Variants in L1CAM observed in about 807,000 individuals in gnomAD.
L1CAM encodes the protein L1 cell adhesion molecule.
In L1CAM, 8 loss-of-function variants were observed where a neutral mutation model predicts 93.0. That is an observed-to-expected ratio of 0.09 (90% CI 0.05 to 0.16). The LOEUF (loss-of-function observed/expected upper bound fraction) is 0.16. Among genes scored for constraint, L1CAM ranks in the 10% least tolerant of loss-of-function variants. The probability of loss-of-function intolerance (pLI) is 1.00; values close to 1 mark genes in which losing one functional copy is unlikely to be tolerated. For synonymous variants in L1CAM, 453 were observed against 453.0 expected (o/e 1.00, Z 0.00); for missense variants, 777 against 1,073.4 (o/e 0.72, Z 3.86).
chrX:153,864,039 C>A, intron 25 of L1CAM, 22 bp from the exon 26 acceptor site: 1 of 1,210,920 alleles, frequency 8.3e-7, no homozygotes, highest in Non-Finnish European at 1.1e-6. Flanking sequence ...ACACCAGCCC[C>A]CCGTGCTGCC....
Position 153,867,679 on chromosome X carries a change from G to A in L1CAM, c.1939+121C>T. On this transcript the variant is annotated intron_variant, in intron 16 of 28. Transcript: ENST00000370060. ...AACTGGCATCTCCAGATTCCCATGA[G>A]GAACCGTGAGTCCCCCCAAACCGTG... 4 of 948,854 alleles carry A rather than the reference G, an allele frequency of 4.2e-6. No individual in the cohort carries two copies. The Admixed American group carries it at 8.9e-5, about 21-fold the overall frequency. The allele number at this position is 948,854 out of a possible 1,213,427, so 78.2% of individuals were successfully genotyped here. A position where few individuals can be genotyped will look rare whatever the true frequency, so the allele number is the denominator to read the frequency against.
chrX:153,883,268 G>A (rs190065236), intron 1 of L1CAM, among the ~76,000 whole-genome samples: 1 of 110,962 alleles, frequency 9.0e-6, no homozygotes, highest in African/African-American at 3.3e-5. Flanking sequence ...GAGCCCTGAC[G>A]GGAAGGGGGA....
chrX:153,863,935 G>A lies in L1CAM; in HGVS notation c.3405C>T (p.Leu1135=), dbSNP rs782139742. The A allele has an allele frequency of 5.8e-6, 7 of 1,212,032 alleles. No individual in the cohort carries two copies. The highest frequency in any genetic ancestry group is 3.0e-5 in the East Asian group (1 of 33,868). ...TGATGAAGCAGAGGATGAGCAGGAC[G>A]AGGAGCAGGAGGATGATGGCACTCA... ...GFVSAIILLL[L]VLLILCFIKR... is the part of the protein sequence containing the mutation. The change falls in exon 26 of 29, where the codon CTC becomes CTT. Residue 1135 remains leucine (L), a synonymous_variant. Transcript: ENST00000370060.
Position 153,867,373 on chromosome X carries a change from A to G in L1CAM, c.2120T>C (p.Val707Ala). The change falls in exon 17 of 29, where the codon GTG becomes GCG. Residue 707 changes from valine (V) to alanine (A), a missense_variant. Physicochemically the swap from Val to Ala is moderately conservative, Grantham distance 64. This residue lies in a region of L1CAM where 574 missense variants were observed against 781.0 expected (regional missense o/e 0.73). Coordinates refer to ENST00000370060, the MANE Select transcript of L1CAM (RefSeq NM_001278116.2). ...TGACTCACCTGCCTCAGGTGTGACC[A>G]CAGTCTCAGAGACCGGGCTGGGCTC... Reference protein sequence around the residue: ...PGEPSPVSETVVTPEAAPEKN... With the variant: ...PGEPSPVSETAVTPEAAPEKN... 8.3e-7 allele frequency: 1 copy of G among 1,209,797 alleles called. No homozygotes were observed.
chrX:153,883,702 G>A (rs782756297), intron 1 of L1CAM: 1 of 331,774 alleles, frequency 3.0e-6, no homozygotes, highest in Non-Finnish European at 6.1e-6. Context: ...CCCCACTCAT[G>A]CCTGGCAGAC....
chrX:153,862,397 A>C lies in L1CAM; in HGVS notation c.*266T>G, dbSNP rs1245611980. On this transcript the variant is annotated 3_prime_UTR_variant, in exon 29 of 29. Coordinates refer to ENST00000370060, the MANE Select transcript of L1CAM (RefSeq NM_001278116.2). ...ACCCCTACTTCTTCTCCCCCAAACC[A>C]CAGCCTCTCTGCCCAAATGGGCTGG... 3.7e-5 allele frequency: 13 copies of C among 348,995 alleles called. No homozygotes were observed. Among genetic ancestry groups the C allele is most frequent in the South Asian group, 9.2e-5 (1 of 10,920 alleles). The allele number at this position is 348,995 out of a possible 1,213,427, so 28.8% of individuals were successfully genotyped here. A position where few individuals can be genotyped will look rare whatever the true frequency, so the allele number is the denominator to read the frequency against.
In L1CAM at chrX:153,861,572, T is replaced by C. The variant is rs1187713448; in HGVS notation, c.*1091A>G. On this transcript the variant is annotated 3_prime_UTR_variant, in exon 29 of 29. Transcript: ENST00000370060. ...TTCTGATATTATGTACATATATATA[T>C]ATACTTTTGTTTTTTTGTAGAGGGC... is the stretch of plus-strand genomic sequence containing the variant. 1 of 112,226 alleles carries C rather than the reference T, an allele frequency of 8.9e-6. No homozygotes were observed. Among genetic ancestry groups the C allele is most frequent in the Non-Finnish European group, 1.9e-5 (1 of 53,244 alleles). 9.2% of individuals were successfully genotyped at this position (112,226 alleles called of 1,213,427 possible). A position where few individuals can be genotyped will look rare whatever the true frequency, so the allele number is the denominator to read the frequency against.
At chrX:153,869,741 C>T (rs2064750027) in intron 10 of L1CAM, 62 bp downstream of exon 10, 1 of 1,203,570 alleles carries the variant, frequency 8.3e-7, no homozygotes, top group South Asian at 1.8e-5. Flanking sequence ...CCCTCCTCTT[C>T]CTCTCCCCCA....
Position 153,870,437 on chromosome X carries a change from C to A in L1CAM, c.757G>T (p.Val253Leu), listed in dbSNP as rs1214679081. 1 of 1,211,939 alleles carries A rather than the reference C, an allele frequency of 8.3e-7. No individual in the cohort carries two copies. The highest frequency in any genetic ancestry group is 1.1e-6 in the Non-Finnish European group (1 of 895,227). ...ACCAATGGCTGCCCCTGCAAGGCCA[C>A]CAGGTGGCTGCTGGAGTTGGTGGGG... Reference protein sequence around the residue: ...LFPTNSSSHLVALQGQPLVLE... With the variant: ...LFPTNSSSHLLALQGQPLVLE... The change falls in exon 8 of 29, where the codon GTG becomes TTG. Residue 253 changes from valine (V) to leucine (L), a missense_variant. Val to Leu is a conservative substitution (Grantham distance 32). Coordinates refer to ENST00000370060, the MANE Select transcript of L1CAM (RefSeq NM_001278116.2).
chrX:153,880,817 G>T (rs192057318), intron 1 of L1CAM: 20 of 271,416 alleles, frequency 7.4e-5, no homozygotes, highest in African/African-American at 5.5e-4. Flanking sequence ...GGGCCCAGAA[G>T]TCCTTTATGA....
At position 153,865,179 on chromosome X, in the gene L1CAM, C is replaced by T. The variant is rs1557090447; in HGVS notation, c.2781G>A (p.Glu927=). 7.4e-6 allele frequency: 9 copies of T among 1,209,189 alleles called. No individual in the cohort carries two copies. In the South Asian group the frequency reaches 1.4e-4, roughly 19 times the overall value. ...GCAGCAGGCTGGTGTTCGACTGGCACTCCAGGTGCAACGCCTCGGGGTGGC... is the reference window on the plus strand; with the variant it reads ...GCAGCAGGCTGGTGTTCGACTGGCATTCCAGGTGCAACGCCTCGGGGTGGC... ...VPGHPEALHL[E]CQSNTSLLLR... is the part of the protein sequence containing the mutation. The change falls in exon 22 of 29, where the codon GAG becomes GAA. Residue 927 remains glutamate, a synonymous_variant. Coordinates refer to ENST00000370060, the MANE Select transcript of L1CAM (RefSeq NM_001278116.2).
rs1557089779 is a variant in L1CAM, at chrX:153,863,874, A to G, written c.3457+9T>C. ...GCTCCACCCCCGTCACGTGGGGCTC[A>G]GAGGCTACCTGAGTATTTGCCGCCC... is the stretch of plus-strand genomic sequence containing the variant. On this transcript the variant is annotated intron_variant, in intron 26 of 28. Coordinates refer to ENST00000370060, the MANE Select transcript of L1CAM (RefSeq NM_001278116.2). The G allele has an allele frequency of 1.6e-6, 2 of 1,212,269 alleles. No individual in the cohort carries two copies. The highest frequency in any genetic ancestry group is 1.7e-5 in the African/African-American group (1 of 58,015).
chrX:153,875,979 G>C (rs1204259116), intron 1 of L1CAM, 35 bp from the exon 2 acceptor site: 3 of 517,002 alleles, frequency 5.8e-6, no homozygotes, highest in Non-Finnish European at 1.0e-5. Context: ...AAGGGTGGGG[G>C]AAGAGAGACG....
At chrX:153,877,204 G>C (rs2064819180) in intron 1 of L1CAM, among the ~76,000 whole-genome samples, 1 of 104,193 alleles carries the variant, frequency 9.6e-6, no homozygotes, top group African/African-American at 3.5e-5. Flanking sequence ...AGCACTTTGG[G>C]AGGCTGAGGC....
chrX:153,881,945 G>T (rs782180506), intron 1 of L1CAM, among the ~76,000 whole-genome samples: 6 of 112,186 alleles, frequency 5.3e-5, no homozygotes, highest in Non-Finnish European at 9.4e-5. Context: ...GGGCTTCAGC[G>T]GCCAGGCCAG....
At chrX:153,865,892 C>T in intron 19 of L1CAM, 73 bp from the exon 20 acceptor site, 1 of 684,479 alleles carries the variant, frequency 1.5e-6, no homozygotes, top group Admixed American at 2.2e-5. Context: ...CAAGCCCCTA[C>T]ACACAGAGAA....
chrX:153,872,720 G>A lies in L1CAM; in HGVS notation c.92-23C>T, dbSNP rs200617092. 25 of 1,114,055 alleles carry A rather than the reference G, an allele frequency of 2.2e-5. No homozygotes were observed. The Middle Eastern group carries it at 9.7e-4, about 43-fold the overall frequency. 91.8% of individuals were successfully genotyped at this position (1,114,055 alleles called of 1,213,427 possible). A position where few individuals can be genotyped will look rare whatever the true frequency, so the allele number is the denominator to read the frequency against. On this transcript the variant is annotated intron_variant, in intron 3 of 28. Transcript: ENST00000370060. Reference sequence around the variant, plus strand: ...TCACTGAAGACAGGGTGGAGAGAGCGGTGGTGAGGGTGCTGCCTGGCTGGT... The same window carrying A: ...TCACTGAAGACAGGGTGGAGAGAGCAGTGGTGAGGGTGCTGCCTGGCTGGT...
chrX:153,877,198 C>T (rs2064819158), intron 1 of L1CAM, among the ~76,000 whole-genome samples: 1 of 95,382 alleles, frequency 1.0e-5, no homozygotes, highest in South Asian at 5.3e-4. Context: ...AATCCCAGCA[C>T]TTTGGGAGGC....
chrX:153,864,747 G>A, intron 23 of L1CAM, 43 bp from the exon 24 acceptor site: 3 of 1,211,942 alleles, frequency 2.5e-6, no homozygotes, highest in African/African-American at 3.4e-5. Flanking sequence ...GCAGCTGCCA[G>A]GAAGTCTAAG....
Sources: gnomAD v4.1 joint callset for allele counts (sites outside exome capture counted in the v4.1 genomes callset) on GRCh38, gnomAD v4.1.1 for gene constraint, gnomAD v4.1.1 regional missense constraint, MANE v1.5 for transcripts, NCBI Gene and HGNC (gene_info 2026-07-23, HGNC 2026-07-21) for gene names.